Variants in ADAMTSL3 observed in about 807,000 individuals in gnomAD.
ADAMTSL3 encodes ADAMTS like 3, also known as ADAMTS-like protein 3.
Under a neutral mutation model 201.7 loss-of-function variants are expected in ADAMTSL3, and 128 were observed. That is an observed-to-expected ratio of 0.63 (90% CI 0.55 to 0.73). The LOEUF is 0.73. ADAMTSL3 is among the 30% of genes least tolerant of loss of function. ADAMTSL3 has a pLI of 0.00. For synonymous variants in ADAMTSL3, 738 were observed against 748.4 expected, an observed-to-expected ratio of 0.99 and a Z score of 0.23; for missense variants, 1,990 against 2,119.6, an observed-to-expected ratio of 0.94 and a Z score of 1.20.
intron 2 of ADAMTSL3, among the ~76,000 whole-genome samples, chr15:83,688,815 A>C (rs2061574054): frequency 6.6e-6 from 1 of 150,470 alleles, no homozygotes; most frequent in Non-Finnish European, 1.5e-5. Flanking sequence ...TTAAAACAAA[A>C]TTAATTTTTT....
Position 83,704,523 on chromosome 15 carries a change from C to T in ADAMTSL3, c.189+15C>T. The T allele has an allele frequency of 6.2e-7, 1 of 1,613,840 alleles. No homozygotes were observed. Among genetic ancestry groups the T allele is most frequent in the Non-Finnish European group, 8.5e-7 (1 of 1,179,938 alleles). On this transcript the variant is annotated intron_variant, in intron 3 of 29. Transcript: ENST00000286744. ...ATGATGACCAGGTAAGAACATTGGA[C>T]AAGGATCTACCTTTGGCTTTGCTGT...
Position 84,025,314 on chromosome 15 carries a change from C to T in ADAMTSL3, c.4534C>T (p.Arg1512Trp), listed in dbSNP as rs749403377. Residue 1512 changes from arginine (R) to tryptophan (W), a missense_variant, in exon 27 of 30, where the codon CGG becomes TGG. By Grantham distance (101) the Arg-to-Trp change is moderately radical. Transcript: ENST00000286744. Reference sequence around the variant, plus strand: ...CCACAGTCGGCAGGTGACGTGCAAGCGGACAAAAGCCAATGGAACTGTGCA... The same window carrying T: ...CCACAGTCGGCAGGTGACGTGCAAGTGGACAAAAGCCAATGGAACTGTGCA... ...GYHSRQVTCK[R>W]TKANGTVQVV... 1.4e-5 allele frequency: 22 copies of T among 1,613,948 alleles called. No homozygotes were observed. The highest frequency in any genetic ancestry group is 2.2e-5 in the East Asian group (1 of 44,894).
chr15:83,691,552 A>C (rs933501922), intron 2 of ADAMTSL3, among the ~76,000 whole-genome samples: 56 of 152,190 alleles, frequency 3.7e-4, no homozygotes, highest in Admixed American at 2.3e-3. Flanking sequence ...TGATTTTCCA[A>C]ATATCTACTA....
chr15:83,921,962 T>C (rs1344444498), intron 16 of ADAMTSL3, among the ~76,000 whole-genome samples: 1 of 152,168 alleles, frequency 6.6e-6, no homozygotes, highest in African/African-American at 2.4e-5. Context: ...AAAAGTCATA[T>C]GTGAAGTAAG....
intron 19 of ADAMTSL3, among the ~76,000 whole-genome samples, chr15:83,943,974 T>C (rs558670028): frequency 2.6e-5 from 4 of 151,950 alleles, no homozygotes. Flanking sequence ...TGTTTTTTTT[T>C]ATCTGATAAC....
At chr15:83,708,734 T>C (rs1033239075) in intron 3 of ADAMTSL3, among the ~76,000 whole-genome samples, 1 of 152,210 alleles carries the variant, frequency 6.6e-6, no homozygotes, top group African/African-American at 2.4e-5. Context: ...AAACTACAAA[T>C]AGAATATTCC....
At chr15:83,822,683 C>T (rs1200325196) in intron 6 of ADAMTSL3, among the ~76,000 whole-genome samples, 7 of 149,740 alleles carry the variant, frequency 4.7e-5, no homozygotes, top group South Asian at 2.2e-4. Flanking sequence ...GGATGGCGGC[C>T]GGGCAGAGAC....
Position 83,892,756 on chromosome 15 carries a change from T to C in ADAMTSL3, c.1335T>C (p.Cys445=). The change falls in exon 13 of 30, where the codon TGT becomes TGC. Residue 445 remains cysteine (C), a synonymous_variant. Coordinates refer to ENST00000286744, the MANE Select transcript of ADAMTSL3 (RefSeq NM_207517.3). ...GGGIQRRSFV[C]VEESMHGEIL... ...GGATTCAGAGACGGAGCTTTGTGTGTGTAGAGGAATCCATGCATGGAGAGA... is the reference window on the plus strand; with the variant it reads ...GGATTCAGAGACGGAGCTTTGTGTGCGTAGAGGAATCCATGCATGGAGAGA... 2 of 1,614,052 alleles carry C rather than the reference T, an allele frequency of 1.2e-6. No individual in the cohort carries two copies. Among genetic ancestry groups the C allele is most frequent in the Non-Finnish European group, 1.7e-6 (2 of 1,179,988 alleles).
intron 4 of ADAMTSL3, among the ~76,000 whole-genome samples, chr15:83,798,819 A>AC (rs1567152053): frequency 1.3e-5 from 2 of 151,236 alleles, no homozygotes; most frequent in Non-Finnish European, 1.5e-5. Flanking sequence ...AAAAAAAAAA[A>AC]AAAAACAAAA....
At chr15:83,767,253 C>T (rs1049380036) in intron 3 of ADAMTSL3, among the ~76,000 whole-genome samples, 16 of 152,146 alleles carry the variant, frequency 1.1e-4, no homozygotes, top group Non-Finnish European at 1.9e-4. Flanking sequence ...GCAGTACTCA[C>T]GCTGTGCATT....
intron 8 of ADAMTSL3, among the ~76,000 whole-genome samples, 169 bp downstream of exon 8, chr15:83,859,009 A>G (rs1437315664): frequency 6.6e-6 from 1 of 152,216 alleles, no homozygotes; most frequent in Non-Finnish European, 1.5e-5. Flanking sequence ...AGCAAAGCTA[A>G]ACACTGACAT....
chr15:83,906,622 CCACACACACACA>C (rs1157198460), intron 15 of ADAMTSL3, among the ~76,000 whole-genome samples: 88 of 79,040 alleles, frequency 1.1e-3, no homozygotes, highest in East Asian at 3.7e-3. Flanking sequence ...GTGCCACACA[CCACACACACACA>C]CACACACACA....
chr15:83,927,186 G>A lies in ADAMTSL3; in HGVS notation c.2117+3153G>A, dbSNP rs145096658. On this transcript the variant is annotated intron_variant, in intron 17 of 29. Transcript: ENST00000286744. ...GGCTGGAGTGCAATGGCACAGTCTC[G>A]GCCCACTGCAGCCTCTGCCTCCTGG... Among the ~76,000 whole-genome samples the A allele has an allele frequency of 5.3e-3, 801 of 150,952 alleles. 8 individuals are homozygous for A. The highest frequency in any genetic ancestry group is 0.018 in the African/African-American group (744 of 41,038).
At chr15:83,927,056 C>G (rs987988706) in intron 17 of ADAMTSL3, among the ~76,000 whole-genome samples, 1 of 152,170 alleles carries the variant, frequency 6.6e-6, no homozygotes, top group African/African-American at 2.4e-5. Flanking sequence ...GGCCCCCATG[C>G]TCCAGTATTT....
intron 23 of ADAMTSL3, among the ~76,000 whole-genome samples, chr15:84,008,050 A>G (rs2067926886): frequency 6.6e-6 from 1 of 152,102 alleles, no homozygotes; most frequent in Non-Finnish European, 1.5e-5. Flanking sequence ...CTTCATAGCT[A>G]TTGTCAAGGT....
chr15:84,008,195 TAC>T (rs2067931262), intron 23 of ADAMTSL3, among the ~76,000 whole-genome samples: 1 of 152,104 alleles, frequency 6.6e-6, no homozygotes, highest in Non-Finnish European at 1.5e-5. Flanking sequence ...CTGCAACCTC[TAC>T]CTCCTGGGTT....
chr15:83,740,690 T>C (rs985825086), intron 3 of ADAMTSL3, among the ~76,000 whole-genome samples: 1 of 152,124 alleles, frequency 6.6e-6, no homozygotes, highest in Non-Finnish European at 1.5e-5. Flanking sequence ...AGCAAAAAGC[T>C]CTTCCTTTGA....
chr15:83,699,806 A>G (rs1169474277), intron 2 of ADAMTSL3, among the ~76,000 whole-genome samples: 7 of 152,152 alleles, frequency 4.6e-5, no homozygotes, highest in African/African-American at 1.7e-4. Context: ...AGCTTTTTCC[A>G]TAACTGGCTC....
At chr15:83,751,453 G>T (rs1451255769) in intron 3 of ADAMTSL3, among the ~76,000 whole-genome samples, 1 of 152,080 alleles carries the variant, frequency 6.6e-6, no homozygotes, top group Non-Finnish European at 1.5e-5. Flanking sequence ...GGCTGCTCTG[G>T]GTCAATAATA....
Sources: gnomAD v4.1 joint callset for allele counts (sites outside exome capture counted in the v4.1 genomes callset) on GRCh38, gnomAD v4.1.1 for gene constraint, MANE v1.5 for transcripts, NCBI Gene and HGNC (gene_info 2026-07-23, HGNC 2026-07-21) for gene names.